Variants in GNG12 observed in about 807,000 individuals in gnomAD.
The protein encoded by GNG12 is G protein subunit gamma 12.
For missense variants in GNG12, 69 were observed against 83.8 expected (o/e 0.82, Z 0.69); for synonymous variants, 28 against 29.7 (o/e 0.94, Z 0.19).
At chr1:67,809,438 C>T (rs1366774290) in intron 1 of GNG12, among the ~76,000 whole-genome samples, 1 of 152,186 alleles carries the variant, frequency 6.6e-6, no homozygotes, top group Non-Finnish European at 1.5e-5. Flanking sequence ...ATAAGCTACA[C>T]TTCATTAAAA....
At chr1:67,800,587 GT>G (rs1414908785) in intron 1 of GNG12, among the ~76,000 whole-genome samples, 1 of 152,146 alleles carries the variant, frequency 6.6e-6, no homozygotes, top group African/African-American at 2.4e-5. Flanking sequence ...AAGAGCTTTA[GT>G]TTCCTTATTA....
At chr1:67,770,979 C>A (rs1032677945) in intron 2 of GNG12, among the ~76,000 whole-genome samples, 1 of 151,810 alleles carries the variant, frequency 6.6e-6, no homozygotes, top group Non-Finnish European at 1.5e-5. Context: ...TGTGTGTGTG[C>A]GTGCTGAGAG....
At chr1:67,774,864 T>G (rs1177533951) in intron 2 of GNG12, among the ~76,000 whole-genome samples, 1 of 152,230 alleles carries the variant, frequency 6.6e-6, no homozygotes, top group Non-Finnish European at 1.5e-5. Context: ...CCCATAGAAG[T>G]AATTCACTAA....
In GNG12 at chr1:67,786,935, ATGTGTGTGTGTGTGTGTGTG is replaced by A. The variant is rs60096043; in HGVS notation, c.-76-9448_-76-9429del. Among the ~76,000 whole-genome samples the A allele has an allele frequency of 3.6e-4, 48 of 133,472 alleles. 1 individual carries two copies. Among genetic ancestry groups the A allele is most frequent in the African/African-American group, 1.0e-3 (34 of 33,598 alleles). The allele number at this position is 133,472 out of a possible 152,430, so 87.6% of individuals were successfully genotyped here. On this transcript the variant is annotated intron_variant, in intron 1 of 3. Coordinates refer to ENST00000370982, the MANE Select transcript of GNG12 (RefSeq NM_018841.6). The stretch of plus-strand genomic sequence containing the variant: ...CTAGGTAACAGAGACTTATATATAT[ATGTGTGTGTGTGTGTGTGTG>A]TGTGTGTGTGTGTGTGTGTGTGTGT...
intron 1 of GNG12, among the ~76,000 whole-genome samples, chr1:67,815,260 A>G (rs919629910): frequency 6.6e-6 from 1 of 152,190 alleles, no homozygotes; most frequent in Non-Finnish European, 1.5e-5. Context: ...CTTCACTTAT[A>G]TCCCTGATAA....
chr1:67,787,341 G>A (rs1646776733), intron 1 of GNG12, among the ~76,000 whole-genome samples: 1 of 152,066 alleles, frequency 6.6e-6, no homozygotes, highest in Non-Finnish European at 1.5e-5. Flanking sequence ...GGCCTGAGAG[G>A]AAGTGAGTCC....
intron 1 of GNG12, among the ~76,000 whole-genome samples, chr1:67,790,469 A>G (rs2100782553): frequency 6.6e-6 from 1 of 152,334 alleles, no homozygotes; most frequent in Non-Finnish European, 1.5e-5. Flanking sequence ...AGCTCAGGGC[A>G]TTCAATAACG....
chr1:67,713,107 G>T (rs948477734), intron 2 of GNG12, among the ~76,000 whole-genome samples: 1 of 152,108 alleles, frequency 6.6e-6, no homozygotes, highest in Non-Finnish European at 1.5e-5. Context: ...TTGTGTTTGT[G>T]TAACACCTCC....
At chr1:67,751,601 A>G (rs576371792) in intron 2 of GNG12, among the ~76,000 whole-genome samples, 8 of 152,304 alleles carry the variant, frequency 5.3e-5, no homozygotes, top group African/African-American at 1.9e-4. Context: ...ACAAAAGTAC[A>G]TGCACACAAA....
intron 1 of GNG12, among the ~76,000 whole-genome samples, chr1:67,790,900 C>T (rs922248019): frequency 7.9e-5 from 12 of 152,226 alleles, no homozygotes; most frequent in Admixed American, 1.3e-4. Context: ...AGGTGTGAGG[C>T]ACCATGCCCA....
chr1:67,734,899 G>A (rs760814843), intron 2 of GNG12, among the ~76,000 whole-genome samples: 26 of 152,238 alleles, frequency 1.7e-4, no homozygotes, highest in Non-Finnish European at 3.4e-4. Flanking sequence ...TGTCACCCAG[G>A]TTGTAGTGCA....
At chr1:67,721,366 G>A (rs1468321489) in intron 2 of GNG12, among the ~76,000 whole-genome samples, 1 of 152,194 alleles carries the variant, frequency 6.6e-6, no homozygotes, top group Non-Finnish European at 1.5e-5. Context: ...CCAGCAGCAT[G>A]AGCATCGCCT....
chr1:67,795,705 CCCAAATAT>C (rs1365007126), intron 1 of GNG12, among the ~76,000 whole-genome samples: 18 of 152,160 alleles, frequency 1.2e-4, no homozygotes, highest in African/African-American at 4.3e-4. Context: ...CTGGAAACAA[CCCAAATAT>C]CCAGTATTTG....
chr1:67,816,644 AGTGAGCCAGAGGG>A, intron 1 of GNG12, among the ~76,000 whole-genome samples: 1 of 152,288 alleles, frequency 6.6e-6, no homozygotes, highest in Admixed American at 6.5e-5. Context: ...GTGGGGCAGC[AGTGAGCCAGAGGG>A]GTGGGGAAGA....
At chr1:67,807,215 T>C (rs1360828549) in intron 1 of GNG12, among the ~76,000 whole-genome samples, 1 of 151,972 alleles carries the variant, frequency 6.6e-6, no homozygotes, top group Non-Finnish European at 1.5e-5. Context: ...AATCTGAAAT[T>C]TAAAAATATT....
intron 2 of GNG12, among the ~76,000 whole-genome samples, chr1:67,723,997 G>A (rs1286282549): frequency 1.3e-5 from 2 of 152,278 alleles, no homozygotes; most frequent in East Asian, 3.9e-4. Flanking sequence ...ATAAGGGGCT[G>A]AACACAGAAC....
intron 1 of GNG12, among the ~76,000 whole-genome samples, chr1:67,827,185 A>C (rs1172552375): frequency 6.6e-6 from 1 of 152,158 alleles, no homozygotes; most frequent in East Asian, 1.9e-4. Flanking sequence ...CGGTCAACTA[A>C]AGGGGATCCT....
chr1:67,757,588 A>G (rs1474824387), intron 2 of GNG12, among the ~76,000 whole-genome samples: 15 of 152,280 alleles, frequency 9.9e-5, no homozygotes, highest in Non-Finnish European at 1.9e-4. Flanking sequence ...AGGGACTATC[A>G]CAAATGGGAG....
intron 1 of GNG12, among the ~76,000 whole-genome samples, chr1:67,789,614 G>C (rs1646789524): frequency 6.6e-6 from 1 of 152,140 alleles, no homozygotes; most frequent in South Asian, 2.1e-4. Context: ...CGACACCTTT[G>C]CATCAGACAT....
Sources: gnomAD v4.1 joint callset for allele counts (sites outside exome capture counted in the v4.1 genomes callset) on GRCh38, gnomAD v4.1.1 for gene constraint, MANE v1.5 for transcripts, NCBI Gene and HGNC (gene_info 2026-07-23, HGNC 2026-07-21) for gene names.